Variants in DAPP1 observed in about 807,000 individuals in gnomAD.
DAPP1 encodes dual adapter for phosphotyrosine and 3-phosphotyrosine and 3-phosphoinositide.
Under a neutral mutation model 41.5 loss-of-function variants are expected in DAPP1, and 20 were observed. That is an observed-to-expected ratio of 0.48 (90% CI 0.34 to 0.70). The LOEUF is 0.70. Among genes scored for constraint, DAPP1 ranks in the 30% least tolerant of loss-of-function variants. The probability of loss-of-function intolerance (pLI) is 0.01; values close to 1 mark genes in which losing one functional copy is unlikely to be tolerated. For missense variants in DAPP1, 233 were observed against 333.4 expected (o/e 0.70, Z 2.35); for synonymous variants, 113 against 116.2 (o/e 0.97, Z 0.18).
intron 1 of DAPP1, among the ~76,000 whole-genome samples, chr4:99,820,339 C>G (rs551765792): frequency 1.4e-4 from 22 of 152,302 alleles, no homozygotes; most frequent in South Asian, 6.2e-4. Context: ...AAAATTCCAG[C>G]AATTCTTTGG....
intron 3 of DAPP1, chr4:99,844,702 T>C (rs1723607690): frequency 6.6e-6 from 1 of 152,228 alleles, no homozygotes; most frequent in South Asian, 2.1e-4. Context: ...AGTTCTATGT[T>C]TGTGCTTACC....
In DAPP1 at chr4:99,866,077, G is replaced by T. The variant is rs756108686; in HGVS notation, c.730G>T (p.Gly244Ter). 1 of 1,595,792 alleles carries T rather than the reference G, an allele frequency of 6.3e-7. No individual in the cohort carries two copies. Among genetic ancestry groups the T allele is most frequent in the African/African-American group, 1.4e-5 (1 of 73,430 alleles). Residue 244 changes from glycine to a stop codon, truncating the protein, a stop_gained, in exon 8 of 9, where the codon GGA becomes TGA. Coordinates refer to ENST00000512369, the MANE Select transcript of DAPP1 (RefSeq NM_014395.3). LOFTEE classifies it high-confidence loss of function. ...GACATTTTATCTCTGTGCAAAGACC[G>T]GAGTAGAAGCTGATGAGTGGATCAA... is the stretch of plus-strand genomic sequence containing the variant. Reference protein sequence around the residue: ...FRTFYLCAKTGVEADEWIKIL... With the variant: ...FRTFYLCAKT
intron 4 of DAPP1, among the ~76,000 whole-genome samples, chr4:99,858,213 C>T (rs1018501308): frequency 6.6e-5 from 10 of 152,228 alleles, no homozygotes; most frequent in Admixed American, 6.5e-4. Context: ...GCACAAGTTG[C>T]ACTTATCTGT....
intron 4 of DAPP1, among the ~76,000 whole-genome samples, chr4:99,857,105 T>C (rs1314102574): frequency 1.3e-5 from 2 of 152,244 alleles, no homozygotes; most frequent in Non-Finnish European, 2.9e-5. Context: ...AGGGGCTAAC[T>C]ATTCTTCAAA....
intron 1 of DAPP1, among the ~76,000 whole-genome samples, chr4:99,827,426 G>A (rs1040028923): frequency 8.0e-4 from 121 of 151,674 alleles, no homozygotes; most frequent in African/African-American, 2.7e-3. Flanking sequence ...CCAGCTACTC[G>A]GGAGGCTGAG....
At chr4:99,855,602 G>A (rs926583302) in intron 4 of DAPP1, among the ~76,000 whole-genome samples, 1 of 152,138 alleles carries the variant, frequency 6.6e-6, no homozygotes, top group South Asian at 2.1e-4. Flanking sequence ...GAAGTTGATT[G>A]TACATCACTA....
At chr4:99,817,700 G>C (rs1014265243) in intron 1 of DAPP1, among the ~76,000 whole-genome samples, 2 of 152,164 alleles carry the variant, frequency 1.3e-5, no homozygotes, top group Non-Finnish European at 2.9e-5. Flanking sequence ...ACTCATCCGG[G>C]TATTTAATAA....
chr4:99,868,257 A>T lies in DAPP1; in HGVS notation c.*72A>T, dbSNP rs1420241947. 7.4e-7 allele frequency: 1 copy of T among 1,356,126 alleles called. No homozygotes were observed. The highest frequency in any genetic ancestry group is 1.1e-6 in the Non-Finnish European group (1 of 950,822). The allele number at this position is 1,356,126 out of a possible 1,614,324, so 84.0% of individuals were successfully genotyped here. On this transcript the variant is annotated 3_prime_UTR_variant, in exon 9 of 9. Coordinates refer to ENST00000512369, the MANE Select transcript of DAPP1 (RefSeq NM_014395.3). ...TTTCCCTGACGCTGTGATCTGCAGC[A>T]GGCTTCAAATGAAAACCGACTAAGG...
rs541725341 is a variant in DAPP1, at chr4:99,829,461, C to T, written c.102-6162C>T. On this transcript the variant is annotated intron_variant, in intron 1 of 8. Coordinates refer to ENST00000512369, the MANE Select transcript of DAPP1 (RefSeq NM_014395.3). Reference sequence around the variant, plus strand: ...CACCATTGCACTCCAGCCTGGGTGACAAGAGTGAAACTCCGTCTCAAAAAA... The same window carrying T: ...CACCATTGCACTCCAGCCTGGGTGATAAGAGTGAAACTCCGTCTCAAAAAA... Among the ~76,000 whole-genome samples the T allele has an allele frequency of 1.3e-4, 19 of 151,714 alleles. No individual in the cohort carries two copies. In the South Asian group the frequency reaches 3.3e-3, roughly 27 times the overall value.
intron 1 of DAPP1, among the ~76,000 whole-genome samples, chr4:99,820,250 G>A (rs980800342): frequency 7.2e-5 from 11 of 151,940 alleles, no homozygotes; most frequent in African/African-American, 2.4e-4. Flanking sequence ...ATGAAAATAT[G>A]GCAAAATAAA....
chr4:99,828,302 A>G (rs1281576588), intron 1 of DAPP1, among the ~76,000 whole-genome samples: 1 of 152,230 alleles, frequency 6.6e-6, no homozygotes, highest in East Asian at 1.9e-4. Flanking sequence ...CATTCAAAAT[A>G]AAGAGAAAAC....
intron 1 of DAPP1, among the ~76,000 whole-genome samples, chr4:99,818,254 T>A (rs1400994316): frequency 6.6e-6 from 1 of 152,142 alleles, no homozygotes; most frequent in South Asian, 2.1e-4. Context: ...TCCCTCTAGA[T>A]TGAATCCCCA....
In DAPP1 at chr4:99,867,928, TA is replaced by T. The variant is rs932600527; in HGVS notation, c.775-180del. 1.3e-4 allele frequency among the ~76,000 whole-genome samples: 19 copies of T among 151,268 alleles called. No individual in the cohort carries two copies. In the East Asian group the frequency reaches 2.5e-3, roughly 20 times the overall value. On this transcript the variant is annotated intron_variant, in intron 8 of 8. Coordinates refer to ENST00000512369, the MANE Select transcript of DAPP1 (RefSeq NM_014395.3). Reference sequence around the variant, plus strand: ...AGCAATCACTTTACAATATGTGTCCTAAAAAAAAATACAGAAAATTTTTCTG... The same window carrying T: ...AGCAATCACTTTACAATATGTGTCCTAAAAAAAATACAGAAAATTTTTCTG...
At chr4:99,850,215 G>A (rs1203580588) in intron 3 of DAPP1, among the ~76,000 whole-genome samples, 3 of 152,202 alleles carry the variant, frequency 2.0e-5, no homozygotes, top group Non-Finnish European at 2.9e-5. Flanking sequence ...TTCGAGACCA[G>A]TCTGGCCAAC....
intron 1 of DAPP1, among the ~76,000 whole-genome samples, chr4:99,827,319 G>A (rs1722966903): frequency 1.3e-5 from 2 of 152,010 alleles, no homozygotes. Context: ...CGGATCACGA[G>A]GTCAGGAGAT....
intron 4 of DAPP1, among the ~76,000 whole-genome samples, chr4:99,859,373 G>A (rs1441283439): frequency 6.6e-6 from 1 of 152,072 alleles, no homozygotes; most frequent in Non-Finnish European, 1.5e-5. Context: ...TCGACATCTA[G>A]GTACTATGTG....
chr4:99,838,132 T>C (rs1488387476), intron 2 of DAPP1, among the ~76,000 whole-genome samples: 1 of 152,174 alleles, frequency 6.6e-6, no homozygotes, highest in East Asian at 1.9e-4. Context: ...GGCATGAATC[T>C]TCCAAAAATG....
chr4:99,871,484 G>GA (rs1236647624), downstream of DAPP1, among the ~76,000 whole-genome samples: 2 of 151,644 alleles, frequency 1.3e-5, no homozygotes, highest in African/African-American at 4.8e-5. Context: ...GAAAAATCAA[G>GA]AAAAAAATAC....
intron 1 of DAPP1, among the ~76,000 whole-genome samples, chr4:99,829,012 CA>C (rs1424462948): frequency 1.3e-5 from 2 of 151,656 alleles, no homozygotes; most frequent in Non-Finnish European, 2.9e-5. Flanking sequence ...TTTTAAGTTT[CA>C]AAAAATGAAC....
Sources: gnomAD v4.1 joint callset for allele counts (sites outside exome capture counted in the v4.1 genomes callset) on GRCh38, gnomAD v4.1.1 for gene constraint, MANE v1.5 for transcripts, NCBI Gene and HGNC (gene_info 2026-07-23, HGNC 2026-07-21) for gene names.